The following PCDHGA5 variants were observed in gnomAD, a reference collection of about 807,000 sequenced individuals.
PCDHGA5 encodes the protein protocadherin gamma subfamily A, 5, also known as protocadherin gamma-A5.
PCDHGA5 carries 36 observed loss-of-function variants against 56.7 expected under a neutral mutation model. The observed-to-expected ratio is 0.64, with a 90% CI of 0.49 to 0.84. PCDHGA5 has a LOEUF of 0.84. PCDHGA5 is among the 40% of genes least tolerant of loss of function. The pLI is 0.00. For missense variants in PCDHGA5, 1,305 were observed against 1,201.5 expected, an observed-to-expected ratio of 1.09 and a Z score of -1.27; for synonymous variants, 563 against 520.2, an observed-to-expected ratio of 1.08 and a Z score of -1.12.
chr5:141,489,999 G>C lies in PCDHGA5; in HGVS notation c.2422-4808G>C, dbSNP rs772783990. Reference sequence around the variant, plus strand: ...CAGTTCTACGTGTGGGAATCCCAGAGAATGCACCCATTGGTACTCTGCTGC... The same window carrying C: ...CAGTTCTACGTGTGGGAATCCCAGACAATGCACCCATTGGTACTCTGCTGC... On this transcript the variant is annotated intron_variant, in intron 1 of 3. Coordinates refer to ENST00000518069, the MANE Select transcript of PCDHGA5 (RefSeq NM_018918.3). This position sits in a 1 kb window ranked among gnomAD's most constrained non-coding sequence, Gnocchi z 4.5. 6.2e-7 allele frequency: 1 copy of C among 1,614,242 alleles called. No individual in the cohort carries two copies. Among genetic ancestry groups the C allele is most frequent in the East Asian group, 2.2e-5 (1 of 44,886 alleles).
At chr5:141,384,379 G>C in intron 1 of PCDHGA5, 1 of 1,613,934 alleles carries the variant, frequency 6.2e-7, no homozygotes, top group Non-Finnish European at 8.5e-7. Flanking sequence ...CTTGGCCGAA[G>C]ACACCATCCA....
In PCDHGA5 at chr5:141,389,898, GA is replaced by G. The variant is rs916636012; in HGVS notation, c.2421+23148del. ...CGACAGCTTGCAGGAGGTGCTGCCGGATATCACTGACCGCCCCGACCCCTCT... is the reference window on the plus strand; with the variant it reads ...CGACAGCTTGCAGGAGGTGCTGCCGGTATCACTGACCGCCCCGACCCCTCT... On this transcript the variant is annotated intron_variant, in intron 1 of 3. Coordinates refer to ENST00000518069, the MANE Select transcript of PCDHGA5 (RefSeq NM_018918.3). 3.1e-6 allele frequency: 5 copies of G among 1,613,952 alleles called. No homozygotes were observed. In the African/African-American group the frequency reaches 5.3e-5, roughly 17 times the overall value.
chr5:141,419,621 G>T, intron 1 of PCDHGA5: 2 of 1,612,306 alleles, frequency 1.2e-6, no homozygotes, highest in Non-Finnish European at 1.7e-6. Context: ...AGGCTACCTG[G>T]TGACCAAGGT....
At chr5:141,481,070 A>G (rs2099531062) in intron 1 of PCDHGA5, among the ~76,000 whole-genome samples, 1 of 152,144 alleles carries the variant, frequency 6.6e-6, no homozygotes, top group South Asian at 2.1e-4. Context: ...AAACAAAAAG[A>G]AAGAAAGAAA....
intron 1 of PCDHGA5, chr5:141,383,037 A>G: frequency 6.2e-7 from 1 of 1,613,816 alleles, no homozygotes; most frequent in Non-Finnish European, 8.5e-7. Context: ...CCTTTGTGGG[A>G]GACATCGCCA....
chr5:141,461,438 T>C (rs1034260263), intron 1 of PCDHGA5, among the ~76,000 whole-genome samples: 3 of 152,200 alleles, frequency 2.0e-5, no homozygotes, highest in African/African-American at 7.2e-5. Flanking sequence ...GTATACCTTC[T>C]TTTGAGAAAT....
At chr5:141,421,387 G>A in intron 1 of PCDHGA5, 3 of 1,614,054 alleles carry the variant, frequency 1.9e-6, no homozygotes, top group Non-Finnish European at 2.5e-6. Context: ...CAAGGACCTG[G>A]GGCTGGAGCC....
At chr5:141,441,775 A>G (rs1005757857) in intron 1 of PCDHGA5, 27 of 388,638 alleles carry the variant, frequency 6.9e-5, no homozygotes, top group Admixed American at 5.4e-4. Context: ...GTGTTGGTGG[A>G]CGACCTGAAT....
chr5:141,375,205 A>G (rs1771239671), intron 1 of PCDHGA5: 3 of 1,614,000 alleles, frequency 1.9e-6, no homozygotes, highest in Non-Finnish European at 1.7e-6. Flanking sequence ...TGTTCGATCG[A>G]GACTCTGGCC....
At chr5:141,408,683 G>C in intron 1 of PCDHGA5, 2 of 1,613,906 alleles carry the variant, frequency 1.2e-6, no homozygotes, top group Non-Finnish European at 1.7e-6. Flanking sequence ...CACGGATCCT[G>C]ATATAAACAT....
rs996353495 is a variant in PCDHGA5, at chr5:141,485,101, T to G, written c.2422-9706T>G. 12 of 1,158,090 alleles carry G rather than the reference T, an allele frequency of 1.0e-5. No individual in the cohort carries two copies. Among genetic ancestry groups the G allele is most frequent in the Non-Finnish European group, 1.4e-5 (11 of 786,830 alleles). The allele number at this position is 1,158,090 out of a possible 1,614,324, so 71.7% of individuals were successfully genotyped here. ...GGAAAGGGAGATAGGTGTCTCCAGC[T>G]GCTGTGGCTGTTTGGGGCGGGTCGG... On this transcript the variant is annotated intron_variant, in intron 1 of 3. Transcript: ENST00000518069. This position sits in a 1 kb window ranked among gnomAD's most constrained non-coding sequence, Gnocchi z 5.7.
intron 1 of PCDHGA5, chr5:141,420,114 A>G: frequency 6.2e-7 from 1 of 1,614,032 alleles, no homozygotes; most frequent in Non-Finnish European, 8.5e-7. Context: ...CCCTATGCCT[A>G]TAATTTTTGT....
intron 1 of PCDHGA5, chr5:141,372,273 C>A (rs201775561): frequency 5.4e-4 from 865 of 1,613,108 alleles, no homozygotes; most frequent in Non-Finnish European, 6.7e-4. Flanking sequence ...GGGTGAGGTG[C>A]GCACGGCGCG....
chr5:141,412,664 A>G (rs959517920), intron 1 of PCDHGA5: 10 of 152,288 alleles, frequency 6.6e-5, no homozygotes, highest in African/African-American at 2.4e-4. Flanking sequence ...AGACACTAAT[A>G]TGACCTAAAA....
chr5:141,374,561 C>A, intron 1 of PCDHGA5: 1 of 1,613,628 alleles, frequency 6.2e-7, no homozygotes. Context: ...GGTCTATGAC[C>A]CTGATGTGGG....
chr5:141,386,602 T>C (rs2090639414), intron 1 of PCDHGA5, among the ~76,000 whole-genome samples: 1 of 152,182 alleles, frequency 6.6e-6, no homozygotes, highest in African/African-American at 2.4e-5. Flanking sequence ...TACATTTTTT[T>C]TTTTTGACAT....
At chr5:141,395,077 A>C (rs2093162583) in intron 1 of PCDHGA5, 1 of 1,614,024 alleles carries the variant, frequency 6.2e-7, no homozygotes, top group South Asian at 1.1e-5. Context: ...ACCTATTCCC[A>C]GGAAGTCTCC....
chr5:141,478,911 T>TA, intron 1 of PCDHGA5: 1 of 871,162 alleles, frequency 1.1e-6, no homozygotes, highest in Non-Finnish European at 1.7e-6. Flanking sequence ...AGCTGCTGGA[T>TA]ACCTCTAACC....
At position 141,409,157 on chromosome 5, in the gene PCDHGA5, G is replaced by C. The variant is rs774813801; in HGVS notation, c.2421+42406G>C. 4 of 1,614,054 alleles carry C rather than the reference G, an allele frequency of 2.5e-6. No homozygotes were observed. In the South Asian group the frequency reaches 4.4e-5, roughly 18 times the overall value. ...AGATGTAGAAAGGTACACCATGGAA[G>C]TGGAAGCGAAGGACGGAGGTGGTCT... On this transcript the variant is annotated intron_variant, in intron 1 of 3. Coordinates refer to ENST00000518069, the MANE Select transcript of PCDHGA5 (RefSeq NM_018918.3).
Sources: gnomAD v4.1 joint callset for allele counts (sites outside exome capture counted in the v4.1 genomes callset) on GRCh38, gnomAD v4.1.1 for gene constraint, Gnocchi (gnomAD v3.1) non-coding constraint, MANE v1.5 for transcripts, NCBI Gene and HGNC (gene_info 2026-07-23, HGNC 2026-07-21) for gene names.